The following IGSF10 variants were observed in gnomAD, a reference collection of about 807,000 sequenced individuals.
IGSF10 encodes calvaria mechanical force protein 608.
Under a neutral mutation model 128.2 loss-of-function variants are expected in IGSF10, and 126 were observed. The observed-to-expected ratio is 0.98, with a 90% confidence interval of 0.85 to 1.14. The LOEUF (loss-of-function observed/expected upper bound fraction) is 1.14, where lower values mean the gene tolerates loss of function less well. Ranked by LOEUF, IGSF10 falls within the 50% of genes most tolerant of loss-of-function variation. IGSF10 has a pLI of 0.00. For synonymous variants in IGSF10, 1,185 were observed against 1,146.2 expected, an observed-to-expected ratio of 1.03 and a Z score of -0.68; for missense variants, 3,295 against 3,149.8, an observed-to-expected ratio of 1.05 and a Z score of -1.10.
chr3:151,463,533 T>G (rs906353393), upstream of IGSF10, among the ~76,000 whole-genome samples: 1 of 63,684 alleles, frequency 1.6e-5, no homozygotes, highest in Non-Finnish European at 2.9e-5. Context: ...GTTTTTTTTT[T>G]TTTTTTTTTT....
At position 151,457,171 on chromosome 3, in the gene IGSF10, A is replaced by G. The variant is rs1467721215; in HGVS notation, c.195-16T>C. ...GCTGTTGTATCTGAAATAAAAAATG[A>G]CATTCTAGGCATAAGCTAAGTCTGT... On this transcript the variant is annotated splice_polypyrimidine_tract_variant and intron_variant, in intron 3 of 7. Coordinates refer to ENST00000282466, the MANE Select transcript of IGSF10 (RefSeq NM_178822.5). 1.2e-6 allele frequency: 2 copies of G among 1,613,228 alleles called. No homozygotes were observed. The highest frequency in any genetic ancestry group is 2.7e-5 in the African/African-American group (2 of 74,930).
At chr3:151,515,440 AG>A in the IGSF10 span, among the ~76,000 whole-genome samples, 1 of 123,964 alleles carries the variant, frequency 8.1e-6, no homozygotes, top group Non-Finnish European at 1.6e-5. Context: ...GGACACAGGA[AG>A]GGGAACATCA....
chr3:151,612,371 G>T, the IGSF10 span, among the ~76,000 whole-genome samples: 11 of 152,192 alleles, frequency 7.2e-5, no homozygotes, highest in African/African-American at 2.7e-4. Flanking sequence ...GTCTCATTGT[G>T]TGACACACAC....
downstream of IGSF10, chr3:151,435,504 G>A (rs1053035944): frequency 6.6e-6 from 1 of 152,036 alleles, no homozygotes; most frequent in East Asian, 1.9e-4. Flanking sequence ...ACCCAAGGGC[G>A]CTATTCCACA....
rs149226551 is a variant in IGSF10, at chr3:151,443,237, T to A, written c.5710A>T (p.Ile1904Leu). 4.3e-6 allele frequency: 7 copies of A among 1,612,464 alleles called. No homozygotes were observed. In the African/African-American group the frequency reaches 9.4e-5, roughly 22 times the overall value. ...LFLFSNGTLY[I>L]RNLASSDRGT... ...CTGTCTGAAGAGGCTAGGTTTCTTATATACAAAGTCCCATTTGAAAATAAG... is the reference window on the plus strand; with the variant it reads ...CTGTCTGAAGAGGCTAGGTTTCTTAAATACAAAGTCCCATTTGAAAATAAG... The change falls in exon 7 of 8, where the codon ATA (isoleucine) becomes TTA (leucine). Residue 1904 changes from isoleucine (I) to leucine (L), a missense_variant. Physicochemically the swap from Ile to Leu is conservative, Grantham distance 5 (BLOSUM62 2). Transcript: ENST00000282466.
the IGSF10 span, among the ~76,000 whole-genome samples, chr3:151,562,447 T>C: frequency 1.3e-5 from 2 of 152,116 alleles, no homozygotes; most frequent in African/African-American, 2.4e-5. Context: ...CTTAACCCTA[T>C]GGATTCACCT....
chr3:151,524,133 G>A, the IGSF10 span, among the ~76,000 whole-genome samples: 2 of 152,090 alleles, frequency 1.3e-5, no homozygotes, highest in Admixed American at 1.3e-4. Flanking sequence ...AAAATAACAG[G>A]TGCTGGCGAG....
chr3:151,494,966 G>C, the IGSF10 span, among the ~76,000 whole-genome samples: 783 of 152,144 alleles, frequency 5.1e-3, 3 homozygotes, highest in Non-Finnish European at 8.8e-3. Context: ...TGGGCTTTTT[G>C]AAAAGCATAG....
the IGSF10 span, among the ~76,000 whole-genome samples, chr3:151,506,147 G>T: frequency 2.6e-5 from 4 of 152,124 alleles, no homozygotes; most frequent in Non-Finnish European, 5.9e-5. Flanking sequence ...TAGAGACGGG[G>T]TTTCACCATG....
Position 151,448,257 on chromosome 3 carries a change from G to A in IGSF10, c.1724C>T (p.Ala575Val), listed in dbSNP as rs755025667. ...RITVVEPLVE[A>V]YQENGIHHTV... Reference sequence around the variant, plus strand: ...GTGATGAATCCCATTTTCCTGATAGGCTTCGACCAAAGGTTCTACCACAGT... The same window carrying A: ...GTGATGAATCCCATTTTCCTGATAGACTTCGACCAAAGGTTCTACCACAGT... The change falls in exon 6 of 8, where the codon GCC (alanine) becomes GTC (valine). Residue 575 changes from alanine to valine, a missense_variant. Transcript: ENST00000282466. 5.0e-6 allele frequency: 8 copies of A among 1,614,178 alleles called. No individual in the cohort carries two copies. Among genetic ancestry groups the A allele is most frequent in the Non-Finnish European group, 6.8e-6 (8 of 1,180,012 alleles).
Position 151,438,436 on chromosome 3 carries a change from T to C in IGSF10, c.6125A>G (p.His2042Arg), listed in dbSNP as rs1720582083. 1 of 1,614,146 alleles carries C rather than the reference T, an allele frequency of 6.2e-7. No individual in the cohort carries two copies. Among genetic ancestry groups the C allele is most frequent in the East Asian group, 2.2e-5 (1 of 44,870 alleles). Residue 2042 changes from histidine (H) to arginine (R), a missense_variant, in exon 8 of 8, where the codon CAC (histidine) becomes CGC (arginine). Coordinates refer to ENST00000282466, the MANE Select transcript of IGSF10 (RefSeq NM_178822.5). ...CACTTGCTTTCTAAAATACTGCTTG[T>C]GGTCAATTTTGGCAGGTTTCAGTCT... The part of the protein sequence containing the change: ...SLRLKPAKID[H>R]KQYFRKQVLH...
At chr3:151,519,886 A>T in the IGSF10 span, among the ~76,000 whole-genome samples, 1 of 151,832 alleles carries the variant, frequency 6.6e-6, no homozygotes, top group Non-Finnish European at 1.5e-5. Flanking sequence ...TTTCAAGCTG[A>T]AAGAAAGACT....
intron 2 of IGSF10, among the ~76,000 whole-genome samples, chr3:151,459,465 C>G (rs1721951886): frequency 6.6e-6 from 1 of 152,196 alleles, no homozygotes; most frequent in African/African-American, 2.4e-5. Flanking sequence ...ACATTGAACA[C>G]TTCACTGCCA....
downstream of IGSF10, chr3:151,436,177 T>C (rs1395876106): frequency 2.6e-5 from 4 of 152,324 alleles, no homozygotes; most frequent in Non-Finnish European, 5.9e-5. Flanking sequence ...GAACAAATGG[T>C]GAATCATAAG....
the IGSF10 span, among the ~76,000 whole-genome samples, chr3:151,581,884 A>C: frequency 5.1e-3 from 777 of 152,204 alleles, 7 homozygotes; most frequent in African/African-American, 0.017. Context: ...CAGGCAGGCC[A>C]ATATGGTGAA....
At chr3:151,528,161 TAATA>T in the IGSF10 span, among the ~76,000 whole-genome samples, 118 of 152,318 alleles carry the variant, frequency 7.7e-4, no homozygotes, top group African/African-American at 2.8e-3. Context: ...AGAAAGCTCT[TAATA>T]AATATCAGCT....
the IGSF10 span, among the ~76,000 whole-genome samples, chr3:151,570,768 A>G: frequency 7.9e-5 from 12 of 152,000 alleles, no homozygotes; most frequent in Non-Finnish European, 1.5e-4. Context: ...TTTGGCTTTC[A>G]TTGCCATTGC....
chr3:151,458,472 G>T, intron 3 of IGSF10, 44 bp downstream of exon 3: 19 of 1,447,830 alleles, frequency 1.3e-5, no homozygotes, highest in South Asian at 2.6e-5. Flanking sequence ...TCACTGCTGC[G>T]ACTGATCCCT....
At position 151,457,138 on chromosome 3, in the gene IGSF10, C is replaced by A; in HGVS notation, c.212G>T (p.Arg71Ile). The change falls in exon 4 of 8, where the codon AGA (arginine) becomes ATA (isoleucine). Residue 71 changes from arginine (R) to isoleucine (I), a missense_variant. Coordinates refer to ENST00000282466, the MANE Select transcript of IGSF10 (RefSeq NM_178822.5). ...RINLGYNSLV[R>I]LMETDFSGLT... ...GCCAGAAAAATCTGTTTCCATCAATCTAACCAAGCTGTTGTATCTGAAATA... is the reference window on the plus strand; with the variant it reads ...GCCAGAAAAATCTGTTTCCATCAATATAACCAAGCTGTTGTATCTGAAATA... The A allele has an allele frequency of 6.2e-7, 1 of 1,614,152 alleles. No homozygotes were observed. The highest frequency in any genetic ancestry group is 8.5e-7 in the Non-Finnish European group (1 of 1,180,004).
Sources: allele counts gnomAD v4.1 joint callset (sites outside exome capture counted in the v4.1 genomes callset), GRCh38; gene constraint gnomAD v4.1.1; transcripts MANE v1.5; gene names NCBI Gene and HGNC (gene_info 2026-07-23, HGNC 2026-07-21).